Variants in SMPD4 observed in about 807,000 individuals in gnomAD.
The protein encoded by SMPD4 is neutral sphingomyelinase 3.
A neutral mutation model predicts 97.8 loss-of-function variants in SMPD4; 58 were observed. That is an observed-to-expected ratio of 0.59 (90% confidence interval 0.48 to 0.74). The LOEUF (loss-of-function observed/expected upper bound fraction) is 0.74, where lower values mean the gene tolerates loss of function less well. SMPD4 is among the 30% of genes least tolerant of loss of function. The pLI, the probability that SMPD4 is intolerant of heterozygous loss-of-function variation, is 0.00. For missense variants in SMPD4, 853 were observed against 1,080.5 expected, an observed-to-expected ratio of 0.79 and a Z score of 2.95; for synonymous variants, 388 against 450.0, an observed-to-expected ratio of 0.86 and a Z score of 1.74.
At chr2:130,161,575 TGGG>T (rs1687426142) in intron 10 of SMPD4, among the ~76,000 whole-genome samples, 1 of 152,154 alleles carries the variant, frequency 6.6e-6, no homozygotes, top group African/African-American at 2.4e-5. Context: ...CCAGGTCACC[TGGG>T]TGGCCCCTCA....
chr2:130,167,125 CT>C (rs1294844094), intron 9 of SMPD4, among the ~76,000 whole-genome samples: 219 of 144,790 alleles, frequency 1.5e-3, no homozygotes, highest in Non-Finnish European at 1.6e-3. Context: ...TTTTCTTTTT[CT>C]TTTTTTTTTT....
chr2:130,163,745 G>C (rs1475741108), intron 10 of SMPD4, among the ~76,000 whole-genome samples: 3 of 152,244 alleles, frequency 2.0e-5, no homozygotes. Context: ...CTAGCTCCAG[G>C]AACGGCAACA....
intron 8 of SMPD4, among the ~76,000 whole-genome samples, chr2:130,168,716 ATT>A (rs915101871): frequency 3.5e-4 from 47 of 132,744 alleles, no homozygotes; most frequent in Admixed American, 5.3e-4. Flanking sequence ...GGCACTATTA[ATT>A]TTTTTTTTTT....
chr2:130,157,644 G>A (rs897247746), intron 11 of SMPD4: 6 of 694,986 alleles, frequency 8.6e-6, no homozygotes, highest in Non-Finnish European at 1.2e-5. Flanking sequence ...CGCCCACACA[G>A]CCCTGGGGAG....
rs1167214141 is a variant in SMPD4 at position 130,167,115 on chromosome 2, TTTTC to T, written c.792+339_792+342del. ...CATAGTGGAAGGTGGCAACAGTTTC[TTTTC>T]TTTTTCTTTTTTTTTTTTTGAGATG... On this transcript the variant is annotated intron_variant, in intron 9 of 19. Coordinates refer to ENST00000680298, the MANE Select transcript of SMPD4 (RefSeq NM_017951.5). 2.2e-4 allele frequency among the ~76,000 whole-genome samples: 34 copies of T among 151,736 alleles called. No homozygotes were observed. The South Asian group carries it at 5.0e-3, about 22-fold the overall frequency.
At chr2:130,171,382 C>T (rs1025929058) in intron 8 of SMPD4, among the ~76,000 whole-genome samples, 16 of 151,974 alleles carry the variant, frequency 1.1e-4, no homozygotes, top group Admixed American at 8.5e-4. Context: ...GGATTACAGG[C>T]ATCAGTCACC....
Position 130,176,545 on chromosome 2 carries a change from G to A in SMPD4, c.39+9C>T, listed in dbSNP as rs1157124857. The A allele has an allele frequency of 6.2e-7, 1 of 1,606,510 alleles. No individual in the cohort carries two copies. Among genetic ancestry groups the A allele is most frequent in the African/African-American group, 1.3e-5 (1 of 74,582 alleles). On this transcript the variant is annotated intron_variant, in intron 2 of 19. Coordinates refer to ENST00000680298, the MANE Select transcript of SMPD4 (RefSeq NM_017951.5). ...CACACTGACACTCATGCAAGCAGTT[G>A]ATATTTACCAGTAGAAAGCTGGGCT...
At chr2:130,156,953 TG>T in intron 12 of SMPD4, 1 of 925,402 alleles carries the variant, frequency 1.1e-6, no homozygotes, top group Non-Finnish European at 1.6e-6. Flanking sequence ...CTGGCCCTGG[TG>T]GGCCTGGCAG....
At chr2:130,156,879 C>G (rs1686856020) in intron 12 of SMPD4, 1 of 1,424,708 alleles carries the variant, frequency 7.0e-7, no homozygotes, top group African/African-American at 1.4e-5. Flanking sequence ...AGCACGCAGG[C>G]GGCCGAGTCA....
At chr2:130,168,556 A>G (rs896078689) in intron 8 of SMPD4, among the ~76,000 whole-genome samples, 1 of 151,806 alleles carries the variant, frequency 6.6e-6, no homozygotes, top group Non-Finnish European at 1.5e-5. Context: ...ATCGTACCCT[A>G]TCGCCTAGGC....
At chr2:130,168,411 C>A (rs771478924) in intron 8 of SMPD4, among the ~76,000 whole-genome samples, 18 of 152,008 alleles carry the variant, frequency 1.2e-4, no homozygotes, top group Non-Finnish European at 2.6e-4. Flanking sequence ...GGTAAGAGAA[C>A]AAGACCCTGT....
chr2:130,152,940 A>T (rs1686375521), intron 19 of SMPD4, 56 bp from the exon 20 acceptor site: 3 of 1,558,746 alleles, frequency 1.9e-6, no homozygotes, highest in Non-Finnish European at 2.6e-6. Context: ...AGGCCTCAGG[A>T]CAGCAGTACC....
At position 130,152,702 on chromosome 2, in the gene SMPD4, C is replaced by T. The variant is rs553723439; in HGVS notation, c.2337G>A (p.Thr779=). The part of the protein sequence containing the change: ...LSLRFLGSYR[T]LVSLLLAFFV... ...AGAAGGCCAGCAGCAGCGAGACCAG[C>T]GTCCGGTAACTGCCCAGGAAGCGCA... is the stretch of plus-strand genomic sequence containing the variant. Residue 779 remains threonine (T), a synonymous_variant, in exon 20 of 20, where the codon ACG becomes ACA. Coordinates refer to ENST00000680298, the MANE Select transcript of SMPD4 (RefSeq NM_017951.5). 3.4e-5 allele frequency: 53 copies of T among 1,575,930 alleles called. No individual in the cohort carries two copies. In the East Asian group the frequency reaches 1.0e-3, roughly 30 times the overall value.
At chr2:130,163,609 C>T (rs1417550863) in intron 10 of SMPD4, among the ~76,000 whole-genome samples, 4 of 152,386 alleles carry the variant, frequency 2.6e-5, no homozygotes, top group South Asian at 2.1e-4. Context: ...CACCAGACTA[C>T]GTGGCTGATG....
intron 1 of SMPD4, among the ~76,000 whole-genome samples, chr2:130,177,051 T>A (rs1046161418): frequency 1.3e-5 from 2 of 152,200 alleles, no homozygotes; most frequent in African/African-American, 4.8e-5. Context: ...CATTACCAAT[T>A]CGCAACACAC....
At position 130,167,466 on chromosome 2, in the gene SMPD4, G is replaced by C; in HGVS notation, c.784C>G (p.Leu262Val). Residue 262 changes from leucine to valine, a missense_variant, in exon 9 of 20, where the codon CTG becomes GTG. Coordinates refer to ENST00000680298, the MANE Select transcript of SMPD4 (RefSeq NM_017951.5). ...ASHEIWRSET[L>V]LQVFVEMWLH... ...ACCAGCTCAACTCTCACCTGGAGCA[G>C]AGTTTCTGACCTCCAGATCTCGTGG... 4.3e-6 allele frequency: 7 copies of C among 1,613,506 alleles called. No homozygotes were observed. The highest frequency in any genetic ancestry group is 1.1e-5 in the South Asian group (1 of 91,056).
intron 3 of SMPD4, among the ~76,000 whole-genome samples, chr2:130,174,713 G>A (rs377188825): frequency 6.6e-6 from 1 of 152,196 alleles, no homozygotes; most frequent in Non-Finnish European, 1.5e-5. Context: ...CTGAGGAACA[G>A]AGCATCTGTG....
intron 8 of SMPD4, among the ~76,000 whole-genome samples, chr2:130,170,345 GGTGTGGTGACAGGCAC>G (rs1172736901): frequency 6.6e-6 from 1 of 150,566 alleles, no homozygotes; most frequent in Non-Finnish European, 1.5e-5. Flanking sequence ...AAATTAGCTG[GGTGTGGTGACAGGCAC>G]CTGTAGTCCC....
At position 130,164,423 on chromosome 2, in the gene SMPD4, T is replaced by C; in HGVS notation, c.815A>G (p.His272Arg). ...TTGATACATCTCCAAGGAATAGTGA[T>C]GAAGCCACATTTCAACAAAAACCTG... Reference protein sequence around the residue: ...LLQVFVEMWLHHYSLEMYQKM... With the variant: ...LLQVFVEMWLRHYSLEMYQKM... The change falls in exon 10 of 20, where the codon CAT becomes CGT. Residue 272 changes from histidine to arginine, a missense_variant. His to Arg is a conservative substitution (Grantham distance 29). Transcript: ENST00000680298. The C allele has an allele frequency of 6.2e-7, 1 of 1,614,160 alleles. No homozygotes were observed. The highest frequency in any genetic ancestry group is 8.5e-7 in the Non-Finnish European group (1 of 1,180,004).
Sources: gnomAD v4.1 joint callset for allele counts (sites outside exome capture counted in the v4.1 genomes callset) on GRCh38, gnomAD v4.1.1 for gene constraint, MANE v1.5 for transcripts, NCBI Gene and HGNC (gene_info 2026-07-23, HGNC 2026-07-21) for gene names.